Variants in KHDC1 observed in about 807,000 individuals in gnomAD.
The protein encoded by KHDC1 is KH homology domain-containing protein 1.
In KHDC1, 21 loss-of-function variants were observed where a neutral mutation model predicts 24.7. The ratio of observed to expected loss-of-function variants is 0.85; its 90% confidence interval spans 0.60 to 1.23. The LOEUF is 1.23. Ranked by LOEUF, KHDC1 falls within the 50% of genes most tolerant of loss-of-function variation. The probability of loss-of-function intolerance (pLI) is 0.00; values close to 1 mark genes in which losing one functional copy is unlikely to be tolerated. For synonymous variants in KHDC1, 98 were observed against 111.7 expected, an observed-to-expected ratio of 0.88 and a Z score of 0.77; for missense variants, 274 against 298.5, an observed-to-expected ratio of 0.92 and a Z score of 0.61.
chr6:73,305,260 T>TA (rs1767942269), intron 1 of KHDC1, among the ~76,000 whole-genome samples: 3 of 151,650 alleles, frequency 2.0e-5, no homozygotes, highest in Admixed American at 6.6e-5. Flanking sequence ...ATATATAATA[T>TA]AAAAAATATA....
chr6:73,277,560 T>C (rs1767320719), intron 2 of KHDC1, among the ~76,000 whole-genome samples: 1 of 152,144 alleles, frequency 6.6e-6, no homozygotes, highest in South Asian at 2.1e-4. Context: ...AACTTTAAAA[T>C]ATCGCTTGGG....
At chr6:73,308,053 A>C (rs1582594577) in intron 1 of KHDC1, among the ~76,000 whole-genome samples, 1 of 136,770 alleles carries the variant, frequency 7.3e-6, no homozygotes, top group African/African-American at 2.7e-5. Flanking sequence ...CAGGCACCGC[A>C]CCACCAGGCC....
At chr6:73,255,479 C>A (rs1261548122) in intron 2 of KHDC1, among the ~76,000 whole-genome samples, 1 of 148,142 alleles carries the variant, frequency 6.8e-6, no homozygotes, top group Admixed American at 6.7e-5. Flanking sequence ...TTCTTGGCCT[C>A]CCAAAGTGCT....
intron 2 of KHDC1, among the ~76,000 whole-genome samples, chr6:73,243,457 C>T (rs1393590032): frequency 1.3e-5 from 2 of 152,166 alleles, no homozygotes; most frequent in Admixed American, 6.5e-5. Context: ...ACAAGTTTAT[C>T]GGGAGAACCT....
rs990900494 is a variant in KHDC1 at position 73,290,145 on chromosome 6, T to C, written c.206+1853A>G. Among the ~76,000 whole-genome samples, 56 of 142,424 alleles carry C rather than the reference T, an allele frequency of 3.9e-4. 1 individual carries two copies. The highest frequency in any genetic ancestry group is 1.4e-3 in the African/African-American group (52 of 38,502). 93.4% of individuals were successfully genotyped at this position (142,424 alleles called of 152,430 possible). On this transcript the variant is annotated intron_variant, in intron 2 of 4. Transcript: ENST00000370384. ...AAAAAAAATTAGCCAGGCATGGTGG[T>C]GCATGCCTGTAGTCCCAGCTACTCG...
At chr6:73,308,391 A>G (rs867651279) in intron 1 of KHDC1, among the ~76,000 whole-genome samples, 1 of 151,338 alleles carries the variant, frequency 6.6e-6, no homozygotes, top group Non-Finnish European at 1.5e-5. Flanking sequence ...TTGTATTTTT[A>G]GTAGAGATGG....
chr6:73,309,910 G>A, exon 1 of KHDC1: 1 of 554,142 alleles, frequency 1.8e-6, no homozygotes, highest in Non-Finnish European at 3.0e-6. Flanking sequence ...GGATTAACGC[G>A]CCACCGCGAG....
chr6:73,263,072 C>T, intron 2 of KHDC1: 4 of 1,004,862 alleles, frequency 4.0e-6, no homozygotes, highest in Non-Finnish European at 4.8e-6. Context: ...GCGGCGGCAG[C>T]GGCGGCAGCG....
intron 1 of KHDC1, among the ~76,000 whole-genome samples, chr6:73,302,717 G>A (rs1384075178): frequency 6.6e-6 from 1 of 152,106 alleles, no homozygotes; most frequent in African/African-American, 2.4e-5. Context: ...TATTGTATTT[G>A]AGGCCCATCA....
rs1271702739 is a variant in KHDC1 at position 73,256,545 on chromosome 6, CT to C, written c.207-14016del. Reference sequence around the variant, plus strand: ...GCAGCAGGATAGAAACTTCTAACAACTATTAACAGCCAGTTTACCAATACGT... The same window carrying C: ...GCAGCAGGATAGAAACTTCTAACAACATTAACAGCCAGTTTACCAATACGT... On this transcript the variant is annotated intron_variant, in intron 2 of 4. Transcript: ENST00000370384. Among the ~76,000 whole-genome samples, 20 of 152,192 alleles carry C rather than the reference CT, an allele frequency of 1.3e-4. 2 individuals are homozygous for C. Among genetic ancestry groups the C allele is most frequent in the Admixed American group, 7.2e-4 (11 of 15,280 alleles).
intron 2 of KHDC1, among the ~76,000 whole-genome samples, chr6:73,256,724 A>G (rs1343296359): frequency 6.6e-6 from 1 of 152,204 alleles, no homozygotes; most frequent in Non-Finnish European, 1.5e-5. Context: ...CTCATCTCAT[A>G]TAATCCACAC....
intron 2 of KHDC1, chr6:73,268,940 A>G: frequency 6.5e-6 from 1 of 154,732 alleles, no homozygotes; most frequent in Non-Finnish European, 1.4e-5. Flanking sequence ...CTCGTCGGGG[A>G]GCTCAGGCAG....
At chr6:73,264,243 T>C (rs1167192447) in intron 2 of KHDC1, among the ~76,000 whole-genome samples, 4 of 152,104 alleles carry the variant, frequency 2.6e-5, no homozygotes, top group Non-Finnish European at 5.9e-5. Flanking sequence ...TGCAATCTTA[T>C]CTAGGTTGCG....
intron 2 of KHDC1, among the ~76,000 whole-genome samples, chr6:73,281,431 C>A (rs1399766710): frequency 6.6e-6 from 1 of 150,906 alleles, no homozygotes; most frequent in Non-Finnish European, 1.5e-5. Flanking sequence ...GCCTTGCCAA[C>A]ATGGTGAAAC....
chr6:73,242,452 T>G, exon 3 of KHDC1: 1 of 1,614,196 alleles, frequency 6.2e-7, no homozygotes, highest in Non-Finnish European at 8.5e-7. Flanking sequence ...ACACCATTGG[T>G]GCATGAAAGT....
intron 2 of KHDC1, among the ~76,000 whole-genome samples, chr6:73,261,996 T>TTCC (rs1033337264): frequency 4.6e-5 from 7 of 151,770 alleles, no homozygotes; most frequent in African/African-American, 1.7e-4. Flanking sequence ...AGAGAATTCA[T>TTCC]TGAGCCCGGC....
chr6:73,292,208 C>T (rs1276332132), intron 1 of KHDC1: 4 of 1,437,038 alleles, frequency 2.8e-6, no homozygotes, highest in Admixed American at 1.7e-5. Flanking sequence ...ACAACTGAAA[C>T]AGCTTCAGGC....
At chr6:73,289,205 A>G (rs1767580429) in intron 2 of KHDC1, among the ~76,000 whole-genome samples, 1 of 151,590 alleles carries the variant, frequency 6.6e-6, no homozygotes, top group Admixed American at 6.6e-5. Context: ...ATGGTGGCAC[A>G]TGCCTGTAGT....
chr6:73,272,514 A>C (rs1444771652), intron 2 of KHDC1, among the ~76,000 whole-genome samples: 1 of 151,768 alleles, frequency 6.6e-6, no homozygotes, highest in Non-Finnish European at 1.5e-5. Flanking sequence ...GGTGGCTCAC[A>C]CCCGTAATCC....
Sources: allele counts gnomAD v4.1 joint callset (sites outside exome capture counted in the v4.1 genomes callset), GRCh38; gene constraint gnomAD v4.1.1; transcripts MANE v1.5; gene names NCBI Gene and HGNC (gene_info 2026-07-23, HGNC 2026-07-21).